The following ALDH4A1 variants were observed in gnomAD, a reference collection of about 807,000 sequenced individuals.
ALDH4A1 encodes delta-1-pyrroline-5-carboxylate dehydrogenase, mitochondrial.
Under a neutral mutation model 70.5 loss-of-function variants are expected in ALDH4A1, and 46 were observed. The observed-to-expected ratio is 0.65, with a 90% CI of 0.51 to 0.83. ALDH4A1 has a LOEUF of 0.83. Ranked by LOEUF, ALDH4A1 falls within the 40% of genes least tolerant of loss-of-function variation. The probability of loss-of-function intolerance (pLI) is 0.00; values close to 1 mark genes in which losing one functional copy is unlikely to be tolerated. For synonymous variants in ALDH4A1, 323 were observed against 324.3 expected (o/e 1.00, Z 0.04); for missense variants, 749 against 766.5 (o/e 0.98, Z 0.27).
intron 1 of ALDH4A1, among the ~76,000 whole-genome samples, chr1:18,892,117 G>A (rs1245027393): frequency 2.0e-5 from 3 of 152,096 alleles, no homozygotes; most frequent in Non-Finnish European, 4.4e-5. Context: ...AGTGTTCTGC[G>A]GGATTGTTTT....
intron 3 of ALDH4A1, among the ~76,000 whole-genome samples, chr1:18,888,006 C>T (rs1467271561): frequency 1.3e-5 from 2 of 152,170 alleles, no homozygotes; most frequent in Admixed American, 6.5e-5. Flanking sequence ...TAGTTTATAT[C>T]GTAATAGCTG....
intron 5 of ALDH4A1, among the ~76,000 whole-genome samples, chr1:18,884,376 A>G (rs1307670068): frequency 6.6e-6 from 1 of 152,132 alleles, no homozygotes; most frequent in African/African-American, 2.4e-5. Flanking sequence ...TCCAGAAAGC[A>G]GCCTGGGTTC....
intron 1 of ALDH4A1, 41 bp downstream of exon 1, chr1:18,902,421 A>C: frequency 7.7e-7 from 1 of 1,307,090 alleles, no homozygotes; most frequent in Non-Finnish European, 9.7e-7. Flanking sequence ...CCCGGGCCCC[A>C]GGCGCGCGCT....
At chr1:18,879,499 C>A (rs1178016404) in intron 8 of ALDH4A1, 126 bp from the exon 9 acceptor site, 12 of 814,178 alleles carry the variant, frequency 1.5e-5, no homozygotes, top group Non-Finnish European at 2.5e-5. Context: ...GGGATGGCGG[C>A]TGGGAACAGG....
At chr1:18,902,410 T>C in intron 1 of ALDH4A1, 52 bp downstream of exon 1, 1 of 1,290,014 alleles carries the variant, frequency 7.8e-7, no homozygotes, top group South Asian at 2.0e-5. Context: ...ACTCTCAGGC[T>C]CCCGGGCCCC....
chr1:18,890,342 G>C (rs956968579), intron 1 of ALDH4A1: 1 of 501,382 alleles, frequency 2.0e-6, no homozygotes, highest in Admixed American at 3.3e-5. Flanking sequence ...AGGAGTTCGA[G>C]ACCAGCCTGG....
chr1:18,889,054 C>A, intron 3 of ALDH4A1, among the ~76,000 whole-genome samples: 1 of 152,236 alleles, frequency 6.6e-6, no homozygotes, highest in East Asian at 1.9e-4. Context: ...GCCCGGGGCC[C>A]AGCTTTTTGT....
chr1:18,878,310 T>C (rs186036424), intron 9 of ALDH4A1, among the ~76,000 whole-genome samples: 48 of 152,336 alleles, frequency 3.2e-4, no homozygotes, highest in Admixed American at 5.2e-4. Flanking sequence ...TGAAGTCACC[T>C]GCTCCAGGTT....
At chr1:18,883,675 T>G (rs1395142077) in intron 5 of ALDH4A1, among the ~76,000 whole-genome samples, 2 of 152,240 alleles carry the variant, frequency 1.3e-5, no homozygotes, top group Non-Finnish European at 2.9e-5. Context: ...AGTGATCCTC[T>G]GTAGCAGGCC....
Position 18,889,300 on chromosome 1 carries a change from G to A in ALDH4A1, c.249+62C>T, listed in dbSNP as rs1023747656. The A allele has an allele frequency of 4.2e-6, 6 of 1,430,472 alleles. No individual in the cohort carries two copies. In the African/African-American group the frequency reaches 7.1e-5, roughly 17 times the overall value. 88.6% of individuals were successfully genotyped at this position (1,430,472 alleles called of 1,614,324 possible). On this transcript the variant is annotated intron_variant, in intron 3 of 14. Transcript: ENST00000375341. ...CCCACACATTATAAGCTTACGAGCT[G>A]TCAGAGAAAGAGGTCACATATTCAG...
chr1:18,880,144 C>T lies in ALDH4A1; in HGVS notation c.867-771G>A, dbSNP rs1934910016. On this transcript the variant is annotated intron_variant, in intron 8 of 14. Coordinates refer to ENST00000375341, the MANE Select transcript of ALDH4A1 (RefSeq NM_003748.4). This position sits in a 1 kb window ranked among gnomAD's most constrained non-coding sequence, Gnocchi z 5.1. The stretch of plus-strand genomic sequence containing the variant: ...TGGAAAACGGCCCTTCTCAGCAGTT[C>T]TAACGCTGCCACCACCCACTCCCAC... 6.6e-6 allele frequency among the ~76,000 whole-genome samples: 1 copy of T among 152,136 alleles called. No individual in the cohort carries two copies. Among genetic ancestry groups the T allele is most frequent in the African/African-American group, 2.4e-5 (1 of 41,424 alleles).
intron 8 of ALDH4A1, among the ~76,000 whole-genome samples, chr1:18,881,095 C>T (rs1328969809): frequency 6.6e-6 from 1 of 152,084 alleles, no homozygotes; most frequent in East Asian, 1.9e-4. Context: ...CATGGATGGT[C>T]GAGATCAGGT....
At chr1:18,877,093 C>T (rs1347744058) in intron 11 of ALDH4A1, 115 bp downstream of exon 11, 10 of 1,345,014 alleles carry the variant, frequency 7.4e-6, no homozygotes, top group African/African-American at 2.9e-5. Flanking sequence ...CTGCCTTGAT[C>T]AAAGCAGTGG....
At chr1:18,897,378 A>C (rs1197386602) in intron 1 of ALDH4A1, among the ~76,000 whole-genome samples, 3 of 152,178 alleles carry the variant, frequency 2.0e-5, no homozygotes, top group Non-Finnish European at 1.5e-5. Context: ...CCCCATCTCT[A>C]CTAAAAGTAC....
At chr1:18,882,588 C>T in intron 7 of ALDH4A1, 1 of 535,098 alleles carries the variant, frequency 1.9e-6, no homozygotes, top group Non-Finnish European at 3.8e-6. Context: ...ATTTACTAGT[C>T]ACTCAGTCTT....
In ALDH4A1 at chr1:18,879,286, G is replaced by A. The variant is rs750855977; in HGVS notation, c.940+14C>T. On this transcript the variant is annotated intron_variant, in intron 9 of 14. Coordinates refer to ENST00000375341, the MANE Select transcript of ALDH4A1 (RefSeq NM_003748.4). ...CTGGGGCCACACGGGAGGAGGAGGT[G>A]AGGCAGGCCTTACCTCCAGCCAGGC... 3.7e-6 allele frequency: 6 copies of A among 1,600,892 alleles called. 1 individual carries two copies. In the South Asian group the frequency reaches 4.5e-5, roughly 12 times the overall value.
intron 4 of ALDH4A1, 122 bp downstream of exon 4, chr1:18,886,342 C>T: frequency 8.8e-7 from 1 of 1,138,890 alleles, no homozygotes; most frequent in Non-Finnish European, 1.3e-6. Flanking sequence ...CCCACCTACC[C>T]ACCATGGCCA....
chr1:18,872,787 G>T lies in ALDH4A1; in HGVS notation c.*58C>A. On this transcript the variant is annotated 3_prime_UTR_variant, in exon 15 of 15. Coordinates refer to ENST00000375341, the MANE Select transcript of ALDH4A1 (RefSeq NM_003748.4). ...GTGGAGGGGCTGGAGTGGGGTCTGT[G>T]CAGTGAGGTCGGCCACCTGGACGGA... The T allele has an allele frequency of 7.4e-7, 1 of 1,346,048 alleles. No individual in the cohort carries two copies. Among genetic ancestry groups the T allele is most frequent in the Non-Finnish European group, 1.1e-6 (1 of 943,888 alleles). 83.4% of individuals were successfully genotyped at this position (1,346,048 alleles called of 1,614,324 possible).
Position 18,885,629 on chromosome 1 carries a change from C to G in ALDH4A1, c.298-1G>C, listed in dbSNP as rs1557620472. 2.5e-6 allele frequency: 4 copies of G among 1,613,880 alleles called. No individual in the cohort carries two copies. The highest frequency in any genetic ancestry group is 3.4e-6 in the Non-Finnish European group (4 of 1,179,992). Reference sequence around the variant, plus strand: ...CCTCAATGGCTTTGTTGAGCAGGCTCTAAAGGGAGAGGGAGAGGTTGGGGA... The same window carrying G: ...CCTCAATGGCTTTGTTGAGCAGGCTGTAAAGGGAGAGGGAGAGGTTGGGGA... On this transcript the variant is annotated splice_acceptor_variant, in intron 4 of 14. Transcript: ENST00000375341. LOFTEE classifies it high-confidence loss of function.
Sources: gnomAD v4.1 joint callset for allele counts (sites outside exome capture counted in the v4.1 genomes callset) on GRCh38, gnomAD v4.1.1 for gene constraint, Gnocchi (gnomAD v3.1) non-coding constraint, MANE v1.5 for transcripts, NCBI Gene and HGNC (gene_info 2026-07-23, HGNC 2026-07-21) for gene names.